The following LTBR variants were observed in gnomAD, a reference collection of about 807,000 sequenced individuals.
LTBR encodes the protein lymphotoxin beta receptor.
A neutral mutation model predicts 45.4 loss-of-function variants in LTBR; 15 were observed. That is an observed-to-expected ratio of 0.33 (90% CI 0.22 to 0.51). LTBR has a LOEUF of 0.51. Among genes scored for constraint, LTBR ranks in the 20% least tolerant of loss-of-function variants. The pLI is 0.97. For missense variants in LTBR, 450 were observed against 565.5 expected, an observed-to-expected ratio of 0.80 and a Z score of 2.07; for synonymous variants, 228 against 231.0, an observed-to-expected ratio of 0.99 and a Z score of 0.12.
Position 6,385,294 on chromosome 12 carries a change from A to G in LTBR, c.387A>G (p.Gly129=), listed in dbSNP as rs1725407367. The change falls in exon 4 of 10, where the codon GGA becomes GGG. Residue 129 remains glycine, a synonymous_variant. Transcript: ENST00000228918. ...KRKTQCRCQP[G]MFCAAWALEC... The stretch of plus-strand genomic sequence containing the variant: ...AGACCCAGTGCCGCTGCCAGCCGGG[A>G]ATGTTCTGTGCTGCCTGGGCCCTCG... 6.2e-7 allele frequency: 1 copy of G among 1,613,800 alleles called. No individual in the cohort carries two copies. Among genetic ancestry groups the G allele is most frequent in the Admixed American group, 1.7e-5 (1 of 59,982 alleles).
upstream of LTBR, among the ~76,000 whole-genome samples, chr12:6,379,465 A>T (rs374161043): frequency 1.1e-4 from 17 of 152,258 alleles, no homozygotes; most frequent in East Asian, 2.9e-3. Flanking sequence ...GCAACTCTTT[A>T]TTCTTACTAC....
At position 6,386,340 on chromosome 12, in the gene LTBR, T is replaced by C. The variant is rs1949047872; in HGVS notation, c.570-7T>C. The C allele has an allele frequency of 4.3e-6, 7 of 1,612,034 alleles. No homozygotes were observed. Among genetic ancestry groups the C allele is most frequent in the East Asian group, 2.2e-5 (1 of 44,856 alleles). ...TGAAAAGGTCATCATCTTTTTTTCC[T>C]CTGCAGGTGTGAGAACCAAGGTCTG... On this transcript the variant is annotated splice_polypyrimidine_tract_variant and splice_region_variant and intron_variant, in intron 5 of 9. Transcript: ENST00000228918. This position sits in a 1 kb window ranked among gnomAD's most constrained non-coding sequence, Gnocchi z 4.1.
upstream of LTBR, among the ~76,000 whole-genome samples, chr12:6,382,228 G>C (rs1948991711): frequency 6.6e-6 from 1 of 152,158 alleles, no homozygotes; most frequent in Non-Finnish European, 1.5e-5. Flanking sequence ...ATTTTCAAAT[G>C]AAATGATATG....
At chr12:6,380,357 G>T (rs1297405852), upstream of LTBR, among the ~76,000 whole-genome samples, 3 of 152,154 alleles carry the variant, frequency 2.0e-5, no homozygotes, top group East Asian at 5.8e-4. Context: ...GCAGAGTGGA[G>T]AAGAAGAGAG....
chr12:6,377,417 G>C (rs72645156), intron 1 of LTBR: 1 of 727,104 alleles, frequency 1.4e-6, no homozygotes, highest in Non-Finnish European at 2.3e-6. Flanking sequence ...TCCTCCTCTG[G>C]GGCTATCTAC....
At chr12:6,379,736 C>G (rs935696974), upstream of LTBR, among the ~76,000 whole-genome samples, 2 of 151,392 alleles carry the variant, frequency 1.3e-5, no homozygotes, top group Non-Finnish European at 2.9e-5. Flanking sequence ...CGAGGCCATC[C>G]TGGCTAACAT....
In LTBR at chr12:6,384,690, A is replaced by T. The variant is rs770572121; in HGVS notation, c.193+6A>T. On this transcript the variant is annotated splice_donor_region_variant and intron_variant, in intron 2 of 9. Transcript: ENST00000228918. ...CTGCTCCCGCTGCCCGCCAGGTGAG[A>T]GGCAATGGCAGGACGAACCTGGGCC... The T allele has an allele frequency of 3.7e-6, 6 of 1,613,370 alleles. No individual in the cohort carries two copies. Among genetic ancestry groups the T allele is most frequent in the Non-Finnish European group, 5.1e-6 (6 of 1,179,460 alleles).
intron 1 of LTBR, among the ~76,000 whole-genome samples, chr12:6,376,381 G>A (rs72645147): frequency 1.3e-5 from 2 of 152,240 alleles, no homozygotes; most frequent in African/African-American, 4.8e-5. Flanking sequence ...CGCCCCTGCT[G>A]TGGTCACAGA....
At chr12:6,378,423 G>A (rs1948942351) in intron 1 of LTBR, among the ~76,000 whole-genome samples, 1 of 152,168 alleles carries the variant, frequency 6.6e-6, no homozygotes, top group African/African-American at 2.4e-5. Context: ...AAAGTGCTGG[G>A]ATTACAAGTG....
At chr12:6,387,932 C>T in intron 6 of LTBR, 1 of 435,862 alleles carries the variant, frequency 2.3e-6, no homozygotes, top group Non-Finnish European at 4.6e-6. Context: ...GCAGGGCAAC[C>T]CTAGCTCCTC....
Position 6,388,140 on chromosome 12 carries a change from AC to A in LTBR, c.668-253del, listed in dbSNP as rs1234849946. On this transcript the variant is annotated intron_variant, in intron 6 of 9. Coordinates refer to ENST00000228918, the MANE Select transcript of LTBR (RefSeq NM_002342.3). The surrounding 1 kb of genome is among the most constrained non-coding windows in gnomAD (Gnocchi z 4.3). Reference sequence around the variant, plus strand: ...CTCTGAGCAGGAGGGCACCCACACCACCCCCAAACATGCCCATCCATGATAC... The same window carrying A: ...CTCTGAGCAGGAGGGCACCCACACCACCCCAAACATGCCCATCCATGATAC... 5 of 461,310 alleles carry A rather than the reference AC, an allele frequency of 1.1e-5. No individual in the cohort carries two copies. Among genetic ancestry groups the A allele is most frequent in the Non-Finnish European group, 2.0e-5 (5 of 249,150 alleles). 28.6% of individuals were successfully genotyped at this position (461,310 alleles called of 1,614,324 possible).
At chr12:6,385,474 C>T (rs1565493896) in intron 4 of LTBR, 95 bp downstream of exon 4, 6 of 1,421,790 alleles carry the variant, frequency 4.2e-6, no homozygotes, top group Middle Eastern at 2.5e-4. Context: ...CCACGGCGAC[C>T]CCCCAGATCC....
Position 6,390,167 on chromosome 12 carries a change from A to T in LTBR, c.857A>T (p.Tyr286Phe). ...TGGGAGCCTCCGAAGGCCCATCCAT[A>T]CTTCCCTGACTTGGTACAGCCACTG... Reference protein sequence around the residue: ...GSWEPPKAHPYFPDLVQPLLP... With the variant: ...GSWEPPKAHPFFPDLVQPLLP... Residue 286 changes from tyrosine to phenylalanine, a missense_variant, in exon 9 of 10, where the codon TAC (tyrosine) becomes TTC (phenylalanine). By Grantham distance (22) the Tyr-to-Phe change is conservative. Coordinates refer to ENST00000228918, the MANE Select transcript of LTBR (RefSeq NM_002342.3). 1 of 1,614,086 alleles carries T rather than the reference A, an allele frequency of 6.2e-7. No individual in the cohort carries two copies. The highest frequency in any genetic ancestry group is 8.5e-7 in the Non-Finnish European group (1 of 1,180,032).
rs575484788 is a variant in LTBR, at chr12:6,391,170, C to A, written c.*233C>A. ...TGAGGCCTCCCGGCAGACCCACCCA[C>A]CCCCTGGGGCTGCTCAGCCTCAGGC... On this transcript the variant is annotated 3_prime_UTR_variant, in exon 10 of 10. Transcript: ENST00000228918. 34 of 414,600 alleles carry A rather than the reference C, an allele frequency of 8.2e-5. No homozygotes were observed. The highest frequency in any genetic ancestry group is 5.4e-4 in the Admixed American group (12 of 22,420). The allele number at this position is 414,600 out of a possible 1,614,324, so 25.7% of individuals were successfully genotyped here. A position where few individuals can be genotyped will look rare whatever the true frequency, so the allele number is the denominator to read the frequency against.
At chr12:6,389,467 G>A (rs901635568) in intron 8 of LTBR, 5 of 155,966 alleles carry the variant, frequency 3.2e-5, no homozygotes, top group South Asian at 1.9e-4. Flanking sequence ...CATCCTGCAC[G>A]CACAAGCCTG....
rs776023758 is a variant in LTBR, at chr12:6,386,474, G to C, written c.667+30G>C. The C allele has an allele frequency of 6.4e-7, 1 of 1,566,282 alleles. No individual in the cohort carries two copies. The highest frequency in any genetic ancestry group is 1.4e-5 in the African/African-American group (1 of 73,736). On this transcript the variant is annotated intron_variant, in intron 6 of 9. Coordinates refer to ENST00000228918, the MANE Select transcript of LTBR (RefSeq NM_002342.3). The surrounding 1 kb of genome is among the most constrained non-coding windows in gnomAD (Gnocchi z 4.1). ...GGGACCAGGGCTGAGGGACACGGGG[G>C]GGGCGCCTCTGAAAATGCCTTAATG... is the stretch of plus-strand genomic sequence containing the variant.
At chr12:6,377,763 G>T in intron 1 of LTBR, 1 of 888,782 alleles carries the variant, frequency 1.1e-6, no homozygotes, top group Non-Finnish European at 1.6e-6. Flanking sequence ...CTATTTGCCA[G>T]CTCATGCCTG....
intron 1 of LTBR, among the ~76,000 whole-genome samples, chr12:6,378,840 G>C (rs1240539903): frequency 2.0e-5 from 3 of 149,752 alleles, no homozygotes; most frequent in African/African-American, 2.4e-5. Context: ...GACTCCCCCA[G>C]AGCCCCAGCC....
Position 6,386,174 on chromosome 12 carries a change from C to A in LTBR, c.569+12C>A. 1.2e-6 allele frequency: 2 copies of A among 1,605,056 alleles called. No homozygotes were observed. The highest frequency in any genetic ancestry group is 1.7e-6 in the Non-Finnish European group (2 of 1,172,122). ...CAGCCCCACACCAGGTGAGTGCAGCCCCACCCAAGCTCCTTCCACCCTCTG... is the reference window on the plus strand; with the variant it reads ...CAGCCCCACACCAGGTGAGTGCAGCACCACCCAAGCTCCTTCCACCCTCTG... On this transcript the variant is annotated intron_variant, in intron 5 of 9. Coordinates refer to ENST00000228918, the MANE Select transcript of LTBR (RefSeq NM_002342.3). This position sits in a 1 kb window ranked among gnomAD's most constrained non-coding sequence, Gnocchi z 4.1.
Sources: gnomAD v4.1 joint callset for allele counts (sites outside exome capture counted in the v4.1 genomes callset) on GRCh38, gnomAD v4.1.1 for gene constraint, Gnocchi (gnomAD v3.1) non-coding constraint, MANE v1.5 for transcripts, NCBI Gene and HGNC (gene_info 2026-07-23, HGNC 2026-07-21) for gene names.